NEGR1: variants seen among roughly 807,000 people sequenced by gnomAD.
NEGR1 encodes IgLON family member 4.
In NEGR1, 10 loss-of-function variants were observed where a neutral mutation model predicts 40.9. That is an observed-to-expected ratio of 0.24 (90% confidence interval 0.15 to 0.42). NEGR1 has a LOEUF of 0.42. Ranked by LOEUF, NEGR1 falls within the 10% of genes least tolerant of loss-of-function variation. The probability of loss-of-function intolerance (pLI) is 1.00; values close to 1 mark genes in which losing one functional copy is unlikely to be tolerated. For synonymous variants in NEGR1, 185 were observed against 166.8 expected, an observed-to-expected ratio of 1.11 and a Z score of -0.84; for missense variants, 352 against 438.9, an observed-to-expected ratio of 0.80 and a Z score of 1.77.
intron 6 of NEGR1, among the ~76,000 whole-genome samples, chr1:71,537,809 C>T (rs957584538): frequency 2.6e-5 from 4 of 151,654 alleles, no homozygotes; most frequent in African/African-American, 9.7e-5. Context: ...TTTTGAGCTC[C>T]TGTTTTGTCA....
At chr1:71,658,753 G>T (rs2101588535) in intron 4 of NEGR1, among the ~76,000 whole-genome samples, 1 of 152,188 alleles carries the variant, frequency 6.6e-6, no homozygotes, top group African/African-American at 2.4e-5. Flanking sequence ...AAATAACTTT[G>T]GAGATCTTGT....
chr1:71,850,385 G>C (rs1659564844), intron 2 of NEGR1, among the ~76,000 whole-genome samples: 1 of 151,906 alleles, frequency 6.6e-6, no homozygotes, highest in African/African-American at 2.4e-5. Context: ...TGAGTTCCTG[G>C]GCTCAAGCAA....
At chr1:72,235,181 G>A (rs185832494) in intron 1 of NEGR1, among the ~76,000 whole-genome samples, 31 of 152,182 alleles carry the variant, frequency 2.0e-4, no homozygotes, top group Non-Finnish European at 2.6e-4. Context: ...AGGTATCACC[G>A]CAAATTTCAG....
intron 1 of NEGR1, among the ~76,000 whole-genome samples, chr1:71,956,712 A>C (rs988045172): frequency 1.3e-5 from 2 of 152,150 alleles, no homozygotes; most frequent in East Asian, 1.9e-4. Flanking sequence ...TTTAATGGAC[A>C]TGTAAGTACA....
intron 6 of NEGR1, among the ~76,000 whole-genome samples, chr1:71,552,337 A>G (rs1218732768): frequency 6.7e-6 from 1 of 149,868 alleles, no homozygotes; most frequent in Non-Finnish European, 1.5e-5. Flanking sequence ...TAATATAGGG[A>G]CACTAGGATC....
At chr1:72,058,437 C>G (rs1647132074) in intron 1 of NEGR1, among the ~76,000 whole-genome samples, 1 of 151,472 alleles carries the variant, frequency 6.6e-6, no homozygotes. Flanking sequence ...TGTTGATATT[C>G]TGTTAGAGGT....
At chr1:71,762,869 A>G (rs967649203) in intron 3 of NEGR1, among the ~76,000 whole-genome samples, 5 of 152,192 alleles carry the variant, frequency 3.3e-5, no homozygotes, top group African/African-American at 9.6e-5. Flanking sequence ...TTTGGCAATA[A>G]AGGAGAAATC....
chr1:71,423,528 G>A (rs1646410558), intron 6 of NEGR1, among the ~76,000 whole-genome samples: 1 of 152,154 alleles, frequency 6.6e-6, no homozygotes, highest in African/African-American at 2.4e-5. Context: ...GTAGTTGCAT[G>A]TTGTTCATTT....
intron 5 of NEGR1, among the ~76,000 whole-genome samples, chr1:71,603,583 T>A (rs1649990537): frequency 1.3e-5 from 2 of 152,302 alleles, no homozygotes; most frequent in South Asian, 4.1e-4. Flanking sequence ...AAAGTCAGCA[T>A]ATAAGGTAAA....
At chr1:71,838,830 C>T (rs1187139004) in intron 2 of NEGR1, among the ~76,000 whole-genome samples, 4 of 151,782 alleles carry the variant, frequency 2.6e-5, no homozygotes, top group Non-Finnish European at 5.9e-5. Flanking sequence ...ACTGCAAAGG[C>T]CAGTATTTGA....
chr1:71,666,207 T>C (rs988980339), intron 4 of NEGR1, among the ~76,000 whole-genome samples: 8 of 152,222 alleles, frequency 5.3e-5, no homozygotes, highest in African/African-American at 1.9e-4. Context: ...TTGCAAGTGA[T>C]AGTTCTATTT....
At chr1:71,459,552 T>G (rs1646699403) in intron 6 of NEGR1, among the ~76,000 whole-genome samples, 1 of 152,168 alleles carries the variant, frequency 6.6e-6, no homozygotes, top group Admixed American at 6.5e-5. Context: ...CCATGCAAAC[T>G]TTCCTTTGTA....
intron 3 of NEGR1, among the ~76,000 whole-genome samples, chr1:71,737,159 C>T: frequency 6.6e-6 from 1 of 152,036 alleles, no homozygotes; most frequent in Non-Finnish European, 1.5e-5. Context: ...AAAAGAAATC[C>T]TTTTGATTTT....
chr1:71,482,314 C>G (rs372801073), intron 6 of NEGR1, among the ~76,000 whole-genome samples: 1 of 151,724 alleles, frequency 6.6e-6, no homozygotes, highest in African/African-American at 2.4e-5. Context: ...AAACATCTAG[C>G]ATGTATAGAA....
At chr1:72,180,565 C>G (rs1429581264) in intron 1 of NEGR1, among the ~76,000 whole-genome samples, 1 of 151,836 alleles carries the variant, frequency 6.6e-6, no homozygotes, top group African/African-American at 2.4e-5. Context: ...AACAATATAT[C>G]TGATAAGGGG....
At chr1:71,490,805 G>A (rs2101384904) in intron 6 of NEGR1, among the ~76,000 whole-genome samples, 1 of 152,160 alleles carries the variant, frequency 6.6e-6, no homozygotes, top group African/African-American at 2.4e-5. Flanking sequence ...TTTAACGGCT[G>A]TTCACAGAAC....
chr1:71,645,923 T>G (rs1651515264), intron 4 of NEGR1, among the ~76,000 whole-genome samples: 1 of 151,792 alleles, frequency 6.6e-6, no homozygotes, highest in Non-Finnish European at 1.5e-5. Context: ...TAGACAGGTA[T>G]TTTTGGATTA....
chr1:72,155,018 A>G (rs377107696), intron 1 of NEGR1, among the ~76,000 whole-genome samples: 5 of 152,174 alleles, frequency 3.3e-5, no homozygotes, highest in African/African-American at 1.2e-4. Flanking sequence ...AATACATGGT[A>G]GAAAATAGCA....
chr1:71,855,733 G>A (rs1047605077), intron 2 of NEGR1, among the ~76,000 whole-genome samples: 3 of 143,492 alleles, frequency 2.1e-5, no homozygotes, highest in African/African-American at 7.9e-5. Flanking sequence ...GCATTTTAGA[G>A]AATATTAATG....
Sources: allele counts gnomAD v4.1 joint callset (sites outside exome capture counted in the v4.1 genomes callset), GRCh38; gene constraint gnomAD v4.1.1; transcripts MANE v1.5; gene names NCBI Gene and HGNC (gene_info 2026-07-23, HGNC 2026-07-21).